Variants in PRKN observed in about 807,000 individuals in gnomAD.
PRKN encodes the protein parkin RBR E3 ubiquitin protein ligase.
In PRKN, 56 loss-of-function variants were observed where a neutral mutation model predicts 59.5. The ratio of observed to expected loss-of-function variants is 0.94; its 90% CI spans 0.76 to 1.18. The LOEUF (loss-of-function observed/expected upper bound fraction) is 1.18, where lower values mean the gene tolerates loss of function less well. Ranked by LOEUF, PRKN falls within the 50% of genes most tolerant of loss-of-function variation. The pLI, the probability that PRKN is intolerant of heterozygous loss-of-function variation, is 0.00. For synonymous variants in PRKN, 250 were observed against 222.1 expected (o/e 1.13, Z -1.12); for missense variants, 657 against 596.4 (o/e 1.10, Z -1.06).
At chr6:161,605,395 T>A (rs1035046223) in intron 7 of PRKN, among the ~76,000 whole-genome samples, 1 of 152,308 alleles carries the variant, frequency 6.6e-6, no homozygotes, top group South Asian at 2.1e-4. Flanking sequence ...ATTTTGATAT[T>A]TCAAATGCTC....
At chr6:162,139,211 A>G in intron 4 of PRKN, among the ~76,000 whole-genome samples, 1 of 152,218 alleles carries the variant, frequency 6.6e-6, no homozygotes, top group East Asian at 1.9e-4. Flanking sequence ...CAGAAACCAA[A>G]GGAGGCTCTT....
chr6:161,552,452 TCACC>T lies in PRKN; in HGVS notation c.934-3453_934-3450del, dbSNP rs1406517341. ...CCAAGCCTCTCTCCCTCAGCTCTGT[TCACC>T]TCCGCCTATGACTGTGAATGATCTC... On this transcript the variant is annotated intron_variant, in intron 8 of 11. Coordinates refer to ENST00000366898, the MANE Select transcript of PRKN (RefSeq NM_004562.3). The surrounding 1 kb of genome is among the most constrained non-coding windows in gnomAD (Gnocchi z 4.9). Among the ~76,000 whole-genome samples, 735 of 50,346 alleles carry T rather than the reference TCACC, an allele frequency of 0.015. 182 individuals carry two copies. Among genetic ancestry groups the T allele is most frequent in the African/African-American group, 0.037 (647 of 17,402 alleles). 33.0% of individuals were successfully genotyped at this position (50,346 alleles called of 152,430 possible). A position where few individuals can be genotyped will look rare whatever the true frequency, so the allele number is the denominator to read the frequency against.
chr6:161,905,712 G>T (rs1357151503), intron 6 of PRKN, among the ~76,000 whole-genome samples: 1 of 151,762 alleles, frequency 6.6e-6, no homozygotes. Flanking sequence ...TGTAATCTCA[G>T]CACTTGGAGA....
At chr6:161,812,800 G>A (rs758138317) in intron 6 of PRKN, among the ~76,000 whole-genome samples, 5 of 152,168 alleles carry the variant, frequency 3.3e-5, no homozygotes, top group Non-Finnish European at 5.9e-5. Flanking sequence ...ACTTTAAAAT[G>A]TTTTAAAAAT....
At chr6:161,816,493 GTGTGT>G (rs1791788146) in intron 6 of PRKN, among the ~76,000 whole-genome samples, 1 of 152,158 alleles carries the variant, frequency 6.6e-6, no homozygotes, top group African/African-American at 2.4e-5. Flanking sequence ...CTTTCAATAT[GTGTGT>G]TTTATCACAC....
In PRKN at chr6:162,513,543, G is replaced by C. The variant is rs79519108; in HGVS notation, c.8-70070C>G. Among the ~76,000 whole-genome samples the C allele has an allele frequency of 5.9e-3, 893 of 152,002 alleles. 2 individuals carry two copies. The highest frequency in any genetic ancestry group is 0.02 in the African/African-American group (839 of 41,456). On this transcript the variant is annotated intron_variant, in intron 1 of 11. Coordinates refer to ENST00000366898, the MANE Select transcript of PRKN (RefSeq NM_004562.3). Reference sequence around the variant, plus strand: ...AAGAGAGAGAGAAAGAGAAGGAAGAGAGAGACAGAGAAAGAAGGAAGGAAA... The same window carrying C: ...AAGAGAGAGAGAAAGAGAAGGAAGACAGAGACAGAGAAAGAAGGAAGGAAA...
chr6:161,949,373 T>C (rs1363317434), intron 6 of PRKN, among the ~76,000 whole-genome samples: 1 of 152,040 alleles, frequency 6.6e-6, no homozygotes, highest in Non-Finnish European at 1.5e-5. Flanking sequence ...TAGCCGGGCA[T>C]TGTGGCAGGC....
At chr6:162,474,460 T>G (rs1025642663) in intron 1 of PRKN, among the ~76,000 whole-genome samples, 2 of 152,142 alleles carry the variant, frequency 1.3e-5, no homozygotes, top group African/African-American at 4.8e-5. Flanking sequence ...CCATGTCAAT[T>G]GTTAAAAATG....
intron 1 of PRKN, among the ~76,000 whole-genome samples, chr6:162,637,684 T>C (rs1777783093): frequency 6.6e-6 from 1 of 152,178 alleles, no homozygotes. Context: ...TAAAATACAA[T>C]TAAATTAAAA....
In PRKN at chr6:161,396,263, T is replaced by C. The variant is rs1487700771; in HGVS notation, c.1084-9386A>G. On this transcript the variant is annotated intron_variant, in intron 9 of 11. Transcript: ENST00000366898. This position sits in a 1 kb window ranked among gnomAD's most constrained non-coding sequence, Gnocchi z 5.4. ...CTTACCTTGTTCCCAAAGGCTAAGGTAGGACCTGGTTGCAAGCTGGAACTC... is the reference window on the plus strand; with the variant it reads ...CTTACCTTGTTCCCAAAGGCTAAGGCAGGACCTGGTTGCAAGCTGGAACTC... 1.3e-5 allele frequency among the ~76,000 whole-genome samples: 2 copies of C among 152,200 alleles called. No individual in the cohort carries two copies. The highest frequency in any genetic ancestry group is 2.9e-5 in the Non-Finnish European group (2 of 68,030).
chr6:162,711,420 TA>T lies in PRKN; in HGVS notation c.7+16241del, dbSNP rs10655636. On this transcript the variant is annotated intron_variant, in intron 1 of 11. Transcript: ENST00000366898. The stretch of plus-strand genomic sequence containing the variant: ...CAAGCTGTTGGTCAAAACTGCTATT[TA>T]AAAAAAAAAAAAAACCAGGAAAAGT... 3.0e-4 allele frequency among the ~76,000 whole-genome samples: 44 copies of T among 144,324 alleles called. No homozygotes were observed. In the South Asian group the frequency reaches 7.9e-3, roughly 26 times the overall value. 94.7% of individuals were successfully genotyped at this position (144,324 alleles called of 152,430 possible).
At chr6:162,336,388 A>C (rs1049943305) in intron 2 of PRKN, among the ~76,000 whole-genome samples, 9 of 152,070 alleles carry the variant, frequency 5.9e-5, no homozygotes, top group Non-Finnish European at 2.9e-5. Context: ...TGTCTGGGTA[A>C]TGGAGAGCAC....
chr6:162,414,567 C>T (rs531081166), intron 2 of PRKN, among the ~76,000 whole-genome samples: 3 of 151,518 alleles, frequency 2.0e-5, no homozygotes, highest in East Asian at 2.0e-4. Context: ...AAAAATTAGC[C>T]GCGCATGGTT....
In PRKN at chr6:162,544,727, G is replaced by C. The variant is rs370828943; in HGVS notation, c.8-101254C>G. 5.3e-3 allele frequency among the ~76,000 whole-genome samples: 738 copies of C among 139,486 alleles called. 7 individuals are homozygous for C. The highest frequency in any genetic ancestry group is 0.019 in the African/African-American group (703 of 37,028). 91.5% of individuals were successfully genotyped at this position (139,486 alleles called of 152,430 possible). A position where few individuals can be genotyped will look rare whatever the true frequency, so the allele number is the denominator to read the frequency against. On this transcript the variant is annotated intron_variant, in intron 1 of 11. Coordinates refer to ENST00000366898, the MANE Select transcript of PRKN (RefSeq NM_004562.3). ...GAGTCTCGCTCTGTCACCCAAGCTG[G>C]AGAGCAGTGGCGCGATGTCGACTCA...
chr6:162,253,279 A>AATCTAATCTAATCTAATCT (rs1779511397), intron 3 of PRKN, among the ~76,000 whole-genome samples: 12 of 149,408 alleles, frequency 8.0e-5, no homozygotes, highest in African/African-American at 3.0e-4. Flanking sequence ...AACAGGCAAC[A>AATCTAATCTAATCTAATCT]AATCTAATCT....
At chr6:162,377,729 G>A (rs1786195675) in intron 2 of PRKN, among the ~76,000 whole-genome samples, 1 of 152,278 alleles carries the variant, frequency 6.6e-6, no homozygotes, top group African/African-American at 2.4e-5. Flanking sequence ...ATCTACCTTG[G>A]TCAACCAGGC....
intron 1 of PRKN, among the ~76,000 whole-genome samples, chr6:162,648,384 C>CTTTT (rs10644990): frequency 5.5e-5 from 8 of 144,494 alleles, no homozygotes; most frequent in South Asian, 2.1e-4. Context: ...GGTGTTCTTT[C>CTTTT]TTTTTTTATT....
Position 162,650,672 on chromosome 6 carries a change from T to C in PRKN, c.7+76990A>G, listed in dbSNP as rs1583983266. ...AGAGATTTTAACAGTCTACAAAGTA[T>C]ACAGATATCCCTAGGTATGATCTCA... On this transcript the variant is annotated intron_variant, in intron 1 of 11. Coordinates refer to ENST00000366898, the MANE Select transcript of PRKN (RefSeq NM_004562.3). Among the ~76,000 whole-genome samples, 4 of 151,870 alleles carry C rather than the reference T, an allele frequency of 2.6e-5. No individual in the cohort carries two copies. In the South Asian group the frequency reaches 8.3e-4, roughly 32 times the overall value.
At chr6:162,519,936 T>C (rs1329197746) in intron 1 of PRKN, among the ~76,000 whole-genome samples, 1 of 152,158 alleles carries the variant, frequency 6.6e-6, no homozygotes, top group Non-Finnish European at 1.5e-5. Flanking sequence ...GATATCAAAA[T>C]ATATTCACTC....
Sources: allele counts gnomAD v4.1 joint callset (sites outside exome capture counted in the v4.1 genomes callset), GRCh38; gene constraint gnomAD v4.1.1; non-coding constraint Gnocchi (gnomAD v3.1); transcripts MANE v1.5; gene names NCBI Gene and HGNC (gene_info 2026-07-23, HGNC 2026-07-21).